Variants in GPD2 observed in about 807,000 individuals in gnomAD.
The protein encoded by GPD2 is glycerol-3-phosphate dehydrogenase, mitochondrial.
A neutral mutation model predicts 82.4 loss-of-function variants in GPD2; 54 were observed. That is an observed-to-expected ratio of 0.66 (90% CI 0.53 to 0.82). GPD2 has a LOEUF of 0.82. Among genes scored for constraint, GPD2 ranks in the 40% least tolerant of loss-of-function variants. The probability of loss-of-function intolerance (pLI) is 0.00; values close to 1 mark genes in which losing one functional copy is unlikely to be tolerated. For synonymous variants in GPD2, 288 were observed against 306.1 expected (o/e 0.94, Z 0.62); for missense variants, 748 against 896.2 (o/e 0.83, Z 2.11).
At chr2:156,528,857 G>A (rs1289461042) in intron 6 of GPD2, among the ~76,000 whole-genome samples, 1 of 152,116 alleles carries the variant, frequency 6.6e-6, no homozygotes, top group Non-Finnish European at 1.5e-5. Context: ...ATTTGGGTTG[G>A]TTCCAAGTCT....
At chr2:156,543,850 C>T (rs1686422600) in intron 6 of GPD2, among the ~76,000 whole-genome samples, 3 of 152,152 alleles carry the variant, frequency 2.0e-5, no homozygotes, top group African/African-American at 7.2e-5. Context: ...TTCAGGTACC[C>T]TATGCACTAA....
chr2:156,482,269 T>C (rs976816161), intron 2 of GPD2, among the ~76,000 whole-genome samples: 24 of 152,242 alleles, frequency 1.6e-4, no homozygotes, highest in Non-Finnish European at 3.4e-4. Context: ...ACTCTTCTGT[T>C]TTCCTTTCTC....
chr2:156,419,915 A>G, the GPD2 span, among the ~76,000 whole-genome samples: 1 of 152,214 alleles, frequency 6.6e-6, no homozygotes, highest in East Asian at 1.9e-4. Flanking sequence ...TTTAAGGTCT[A>G]ACAAACTTTG....
intron 1 of GPD2, among the ~76,000 whole-genome samples, chr2:156,468,034 T>G (rs538766338): frequency 1.3e-5 from 2 of 152,258 alleles, no homozygotes; most frequent in South Asian, 4.2e-4. Context: ...TTGTTACTTG[T>G]CTGAGTAAGC....
chr2:156,439,964 T>C (rs1682109750), intron 1 of GPD2, among the ~76,000 whole-genome samples: 1 of 152,142 alleles, frequency 6.6e-6, no homozygotes, highest in Non-Finnish European at 1.5e-5. Context: ...AGGAGAAAAT[T>C]ATTAGTCATC....
At chr2:156,500,657 T>C (rs1488910189) in intron 3 of GPD2, among the ~76,000 whole-genome samples, 1 of 152,198 alleles carries the variant, frequency 6.6e-6, no homozygotes, top group African/African-American at 2.4e-5. Flanking sequence ...TTAAAGGACT[T>C]GTACAAAAAT....
intron 6 of GPD2, among the ~76,000 whole-genome samples, chr2:156,544,140 A>G (rs1475417593): frequency 2.0e-5 from 3 of 151,964 alleles, no homozygotes; most frequent in African/African-American, 7.3e-5. Flanking sequence ...GGGCTGGGTG[A>G]TTTTCTGTTC....
At chr2:156,448,189 A>G (rs1219793011) in intron 1 of GPD2, among the ~76,000 whole-genome samples, 1 of 151,104 alleles carries the variant, frequency 6.6e-6, no homozygotes, top group Non-Finnish European at 1.5e-5. Flanking sequence ...GCTCATTGCA[A>G]CCTCCGCCTC....
intron 6 of GPD2, among the ~76,000 whole-genome samples, chr2:156,539,357 C>T (rs1686214987): frequency 6.6e-6 from 1 of 152,106 alleles, no homozygotes; most frequent in Non-Finnish European, 1.5e-5. Flanking sequence ...CTGGTTGGGT[C>T]CTGAACTCAC....
chr2:156,426,142 C>T, the GPD2 span, among the ~76,000 whole-genome samples: 1 of 152,038 alleles, frequency 6.6e-6, no homozygotes, highest in Non-Finnish European at 1.5e-5. Context: ...CCGGGATAGT[C>T]TCGATCTCCT....
chr2:156,553,040 C>T (rs1303013898), intron 8 of GPD2, among the ~76,000 whole-genome samples: 2 of 151,824 alleles, frequency 1.3e-5, no homozygotes, highest in Non-Finnish European at 2.9e-5. Context: ...GCTCGCCCGC[C>T]ACCACACCCA....
chr2:156,486,283 A>G (rs886628694), intron 2 of GPD2, among the ~76,000 whole-genome samples: 2 of 152,204 alleles, frequency 1.3e-5, no homozygotes, highest in African/African-American at 4.8e-5. Flanking sequence ...AACTCACATC[A>G]GGCCTTCGAG....
At chr2:156,550,372 A>G (rs1378586248) in intron 7 of GPD2, among the ~76,000 whole-genome samples, 1 of 152,214 alleles carries the variant, frequency 6.6e-6, no homozygotes, top group South Asian at 2.1e-4. Flanking sequence ...CAGAATCCAT[A>G]ATGAGAAAGT....
At chr2:156,412,886 C>A in the GPD2 span, among the ~76,000 whole-genome samples, 10 of 152,278 alleles carry the variant, frequency 6.6e-5, no homozygotes, top group East Asian at 1.9e-3. Flanking sequence ...CAATTAAACT[C>A]AGGAGTTTGA....
chr2:156,439,217 A>G (rs953575431), intron 1 of GPD2, among the ~76,000 whole-genome samples: 3 of 152,158 alleles, frequency 2.0e-5, no homozygotes, highest in Non-Finnish European at 4.4e-5. Flanking sequence ...GTGAAGTTTA[A>G]AGCTCAGGAT....
intron 2 of GPD2, among the ~76,000 whole-genome samples, chr2:156,480,546 A>G (rs566866426): frequency 6.6e-6 from 1 of 152,196 alleles, no homozygotes; most frequent in East Asian, 1.9e-4. Context: ...TGATATGACA[A>G]AAATCTATTC....
At chr2:156,411,926 C>G in the GPD2 span, among the ~76,000 whole-genome samples, 3 of 152,254 alleles carry the variant, frequency 2.0e-5, no homozygotes, top group East Asian at 5.8e-4. Context: ...TATGCCTAGC[C>G]AGGAAAACCA....
intron 1 of GPD2, among the ~76,000 whole-genome samples, chr2:156,444,912 G>A (rs1192290065): frequency 6.6e-6 from 1 of 152,032 alleles, no homozygotes; most frequent in Non-Finnish European, 1.5e-5. Flanking sequence ...ACCATGCCTG[G>A]CTAATTTAAA....
At chr2:156,562,970 T>G (rs1349293031) in intron 9 of GPD2, among the ~76,000 whole-genome samples, 2 of 152,192 alleles carry the variant, frequency 1.3e-5, no homozygotes, top group Non-Finnish European at 2.9e-5. Context: ...GGTGAGCCAG[T>G]CTAGTAAGTG....
Sources: gnomAD v4.1 joint callset for allele counts (sites outside exome capture counted in the v4.1 genomes callset) on GRCh38, gnomAD v4.1.1 for gene constraint, MANE v1.5 for transcripts, NCBI Gene and HGNC (gene_info 2026-07-23, HGNC 2026-07-21) for gene names.